DGKH: variants seen among roughly 807,000 people sequenced by gnomAD.
The protein encoded by DGKH is diacylglycerol kinase eta.
Under a neutral mutation model 159.3 loss-of-function variants are expected in DGKH, and 90 were observed. That is an observed-to-expected ratio of 0.57 (90% CI 0.48 to 0.67). The LOEUF is 0.67. DGKH is among the 30% of genes least tolerant of loss of function. DGKH has a pLI of 0.00. For missense variants in DGKH, 1,181 were observed against 1,506.1 expected (o/e 0.78, Z 3.57); for synonymous variants, 536 against 553.8 (o/e 0.97, Z 0.45).
chr13:42,244,444 CAGAA>C (rs1464989588), downstream of DGKH, among the ~76,000 whole-genome samples: 7 of 152,216 alleles, frequency 4.6e-5, no homozygotes, highest in Admixed American at 3.9e-4. Context: ...GTGAGCAAAA[CAGAA>C]AGGGCAAGTC....
Position 42,187,145 on chromosome 13 carries a change from T to C in DGKH, c.1635T>C (p.Ser545=), listed in dbSNP as rs878902816. The C allele has an allele frequency of 5.6e-6, 9 of 1,613,580 alleles. No individual in the cohort carries two copies. The South Asian group carries it at 9.9e-5, about 18-fold the overall frequency. Residue 545 remains serine, a synonymous_variant, in exon 14 of 30, where the codon AGT becomes AGC. Transcript: ENST00000337343. ...CCGTTGTAGCTGATGCCGTGGCCAG[T>C]AAAGTAAGAGGGGACTCTTCAGGGC... ...ENAVVADAVA[S]KCSVLNEKLE...
intron 3 of DGKH, among the ~76,000 whole-genome samples, chr13:42,147,274 G>A (rs9590669): frequency 0.13 from 19,284 of 152,200 alleles, 1,593 homozygotes; most frequent in Admixed American, 0.22. Context: ...TGAATTTGAA[G>A]TGATGTGAGA....
At chr13:42,177,132 G>T (rs896939071) in intron 12 of DGKH, among the ~76,000 whole-genome samples, 3 of 152,100 alleles carry the variant, frequency 2.0e-5, no homozygotes, top group Non-Finnish European at 4.4e-5. Flanking sequence ...ACAAATCTAT[G>T]CCAGGCCACC....
chr13:42,122,707 T>C (rs1482874612), intron 1 of DGKH, among the ~76,000 whole-genome samples: 1 of 152,208 alleles, frequency 6.6e-6, no homozygotes, highest in Admixed American at 6.5e-5. Context: ...TTTATAATTC[T>C]TCATGTTTTC....
chr13:42,121,385 G>A lies in DGKH; in HGVS notation c.193-6078G>A, dbSNP rs141243379. The stretch of plus-strand genomic sequence containing the variant: ...TAGGCTAAGCTGTGATGTTCAGTAG[G>A]CTAGGTATATGAAATGCATTTTTGA... On this transcript the variant is annotated intron_variant, in intron 1 of 29. Transcript: ENST00000337343. Among the ~76,000 whole-genome samples the A allele has an allele frequency of 1.4e-3, 220 of 152,288 alleles. 1 individual carries two copies. Among genetic ancestry groups the A allele is most frequent in the Non-Finnish European group, 2.7e-3 (181 of 68,028 alleles).
At chr13:42,209,224 G>C in intron 22 of DGKH, 107 bp from the exon 23 acceptor site, 1 of 1,446,528 alleles carries the variant, frequency 6.9e-7, no homozygotes. Context: ...AAGTGATAAA[G>C]CATAATAGTC....
At position 42,189,215 on chromosome 13, in the gene DGKH, T is replaced by C; in HGVS notation, c.1818T>C (p.Pro606=). 1 of 1,614,184 alleles carries C rather than the reference T, an allele frequency of 6.2e-7. No individual in the cohort carries two copies. The highest frequency in any genetic ancestry group is 8.5e-7 in the Non-Finnish European group (1 of 1,180,028). ...KEQLGDDVTK[P]SSQKAVKPRE... ...AGCTTGGGGATGACGTTACAAAACC[T>C]TCCTCCCAGAAAGCCGTCAAACCAA... Residue 606 remains proline (P), a synonymous_variant, in exon 15 of 30, where the codon CCT becomes CCC. Transcript: ENST00000337343.
intron 24 of DGKH, among the ~76,000 whole-genome samples, chr13:42,212,870 G>T (rs1201139284): frequency 6.6e-6 from 1 of 152,190 alleles, no homozygotes; most frequent in Non-Finnish European, 1.5e-5. Context: ...AAGGAGGGCT[G>T]CCTGGAAGAA....
At chr13:42,220,606 G>T (rs1329819455) in intron 28 of DGKH, among the ~76,000 whole-genome samples, 2 of 152,180 alleles carry the variant, frequency 1.3e-5, no homozygotes, top group African/African-American at 4.8e-5. Context: ...CAGCAAATAA[G>T]TAGGCTTTTA....
At chr13:42,201,237 C>T (rs1286987009) in intron 20 of DGKH, among the ~76,000 whole-genome samples, 1 of 152,090 alleles carries the variant, frequency 6.6e-6, no homozygotes, top group Non-Finnish European at 1.5e-5. Flanking sequence ...ATGGTCTGCC[C>T]GCCTCGGCCT....
intron 12 of DGKH, among the ~76,000 whole-genome samples, chr13:42,177,233 T>C (rs966173271): frequency 6.6e-6 from 1 of 150,980 alleles, no homozygotes; most frequent in Non-Finnish European, 1.5e-5. Context: ...TGCTGACTTC[T>C]AATAGCATAG....
chr13:42,219,022 G>C (rs1480363629), intron 26 of DGKH, among the ~76,000 whole-genome samples: 1 of 152,082 alleles, frequency 6.6e-6, no homozygotes. Context: ...TGATCTTTGG[G>C]AAGTAATGAT....
At chr13:42,155,908 C>G in intron 5 of DGKH, 109 bp downstream of exon 5, 1 of 1,259,498 alleles carries the variant, frequency 7.9e-7, no homozygotes, top group East Asian at 2.5e-5. Context: ...ATAGGACTAG[C>G]TTGGAAAATA....
Position 42,086,160 on chromosome 13 carries a change from C to A in DGKH, c.192+37195C>A, listed in dbSNP as rs141923078. ...CTTGAACTCCTGACCTCAAGTAATCCGCCCACCTTTGTTTCCCAAAGTGTT... is the reference window on the plus strand; with the variant it reads ...CTTGAACTCCTGACCTCAAGTAATCAGCCCACCTTTGTTTCCCAAAGTGTT... On this transcript the variant is annotated intron_variant, in intron 1 of 29. Coordinates refer to ENST00000337343, the MANE Select transcript of DGKH (RefSeq NM_178009.5). Among the ~76,000 whole-genome samples the A allele has an allele frequency of 2.0e-5, 3 of 152,230 alleles. No individual in the cohort carries two copies. The South Asian group carries it at 6.2e-4, about 32-fold the overall frequency.
At chr13:42,195,626 G>A (rs1358061637) in intron 17 of DGKH, 2 of 152,266 alleles carry the variant, frequency 1.3e-5, no homozygotes, top group African/African-American at 4.8e-5. Context: ...AACTTACTAA[G>A]TTCTACTACT....
intron 1 of DGKH, among the ~76,000 whole-genome samples, chr13:42,089,351 T>C (rs985722135): frequency 1.1e-4 from 16 of 152,212 alleles, no homozygotes; most frequent in African/African-American, 2.9e-4. Flanking sequence ...TTCTAGATAA[T>C]AAAGTATTAA....
chr13:42,184,080 T>C (rs1195273622), intron 13 of DGKH, among the ~76,000 whole-genome samples: 2 of 152,238 alleles, frequency 1.3e-5, no homozygotes, highest in Non-Finnish European at 2.9e-5. Context: ...ACCCGCCTCA[T>C]TTAATTGGTA....
chr13:42,207,495 T>G (rs347409), intron 21 of DGKH, among the ~76,000 whole-genome samples: 33,293 of 151,508 alleles, frequency 0.22, 4,749 homozygotes, highest in East Asian at 0.41. Flanking sequence ...CCAGCCTCAG[T>G]ACTTTTAATT....
intron 24 of DGKH, among the ~76,000 whole-genome samples, chr13:42,212,910 A>T (rs1957692895): frequency 6.6e-6 from 1 of 152,162 alleles, no homozygotes; most frequent in Non-Finnish European, 1.5e-5. Flanking sequence ...TTGAGGGAAG[A>T]GTGAGAAAAG....
Sources: gnomAD v4.1 joint callset for allele counts (sites outside exome capture counted in the v4.1 genomes callset) on GRCh38, gnomAD v4.1.1 for gene constraint, MANE v1.5 for transcripts, NCBI Gene and HGNC (gene_info 2026-07-23, HGNC 2026-07-21) for gene names.